HNRNPA0: variants seen among roughly 807,000 people sequenced by gnomAD.
HNRNPA0 encodes hnRNA binding protein.
For synonymous variants in HNRNPA0, 243 were observed against 195.5 expected, an observed-to-expected ratio of 1.24 and a Z score of -2.03; for missense variants, 252 against 433.7, an observed-to-expected ratio of 0.58 and a Z score of 3.72.
Position 137,753,161 on chromosome 5 carries a change from G to A in HNRNPA0, c.906C>T (p.Gly302=), listed in dbSNP as rs893476455. 3.1e-5 allele frequency: 50 copies of A among 1,612,554 alleles called. No homozygotes were observed. The highest frequency in any genetic ancestry group is 3.8e-5 in the Non-Finnish European group (45 of 1,179,278). Residue 302 remains glycine (G), a synonymous_variant, in exon 1 of 1, where the codon GGC becomes GGT. Coordinates refer to ENST00000314940, the MANE Select transcript of HNRNPA0 (RefSeq NM_006805.4). The surrounding 1 kb of genome is among the most constrained non-coding windows in gnomAD (Gnocchi z 6.1). ...TTTAAATTTTCTTTTAGAAGGAGCT[G>A]CCTCCATAGCCACCCCCACCGCCAT... ...GGYGGGGGYG[G]SSF
Position 137,753,565 on chromosome 5 carries a change from C to T in HNRNPA0, c.502G>A (p.Val168Met), listed in dbSNP as rs2149949138. The T allele has an allele frequency of 1.2e-6, 2 of 1,613,568 alleles. No homozygotes were observed. Among genetic ancestry groups the T allele is most frequent in the Non-Finnish European group, 1.7e-6 (2 of 1,179,596 alleles). The change falls in exon 1 of 1, where the codon GTG (valine) becomes ATG (methionine). Residue 168 changes from valine (V) to methionine (M), a missense_variant. Coordinates refer to ENST00000314940, the MANE Select transcript of HNRNPA0 (RefSeq NM_006805.4). The surrounding 1 kb of genome is among the most constrained non-coding windows in gnomAD (Gnocchi z 6.1). Reference protein sequence around the residue: ...VKFHPIQGHRVEVKKAVPKED... With the variant: ...VKFHPIQGHRMEVKKAVPKED... ...TTGGGGACTGCTTTCTTCACCTCCA[C>T]GCGATGGCCCTGAATCGGATGGAAC...
rs1753542092 is a variant in HNRNPA0, at chr5:137,753,346, A to AACCGCC, written c.715_720dup (p.Gly239_Gly240dup). The AACCGCC allele has an allele frequency of 9.0e-6, 14 of 1,549,060 alleles. No individual in the cohort carries two copies. Among genetic ancestry groups the AACCGCC allele is most frequent in the Non-Finnish European group, 1.2e-5 (14 of 1,147,166 alleles). On this transcript the variant is annotated inframe_insertion, in exon 1 of 1. Transcript: ENST00000314940. The surrounding 1 kb of genome is among the most constrained non-coding windows in gnomAD (Gnocchi z 6.1). ...CCGTAGTCGCTCCCACCGTAGGACGAACCGCCGCCGCCGCCTCCGTAGGCA... is the reference window on the plus strand; with the variant it reads ...CCGTAGTCGCTCCCACCGTAGGACGAACCGCCACCGCCGCCGCCGCCTCCGTAGGCA...
At position 137,749,735 on chromosome 5, in the gene HNRNPA0, C is replaced by T. The variant is rs1393640025; in HGVS notation, c.*3414G>A. On this transcript the variant is annotated 3_prime_UTR_variant, in exon 1 of 1. Coordinates refer to ENST00000314940, the MANE Select transcript of HNRNPA0 (RefSeq NM_006805.4). ...AGATGCAGTTCTGCTCCAAATCCAA[C>T]ATCCAAATGCCTATCTGCAATCAGC... The T allele has an allele frequency of 6.6e-6, 1 of 152,170 alleles. No homozygotes were observed. Among genetic ancestry groups the T allele is most frequent in the African/African-American group, 2.4e-5 (1 of 41,442 alleles). The allele number at this position is 152,170 out of a possible 1,614,324, so 9.4% of individuals were successfully genotyped here.
Position 137,751,587 on chromosome 5 carries a change from C to A in HNRNPA0, c.*1562G>T, listed in dbSNP as rs1580801122. 1 of 151,138 alleles carries A rather than the reference C, an allele frequency of 6.6e-6. No individual in the cohort carries two copies. Among genetic ancestry groups the A allele is most frequent in the Non-Finnish European group, 1.5e-5 (1 of 67,740 alleles). 9.4% of individuals were successfully genotyped at this position (151,138 alleles called of 1,614,324 possible). A position where few individuals can be genotyped will look rare whatever the true frequency, so the allele number is the denominator to read the frequency against. ...ACTCAATCATGTAAAGAATTGAATT[C>A]TTTATTTGTGATATCCATAAACGTT... On this transcript the variant is annotated 3_prime_UTR_variant, in exon 1 of 1. Coordinates refer to ENST00000314940, the MANE Select transcript of HNRNPA0 (RefSeq NM_006805.4).
rs866567566 is a variant in HNRNPA0, at chr5:137,754,347, G to T, written c.-281C>A. On this transcript the variant is annotated 5_prime_UTR_variant, in exon 1 of 1. Transcript: ENST00000314940. The stretch of plus-strand genomic sequence containing the variant: ...CGCCGCCACCTCCGCTCCCCTATCT[G>T]GGCACCACACAAAGAGGCCGCTGAA... The T allele has an allele frequency of 6.5e-6, 3 of 463,180 alleles. No individual in the cohort carries two copies. Among genetic ancestry groups the T allele is most frequent in the South Asian group, 3.0e-5 (1 of 32,870 alleles). 28.7% of individuals were successfully genotyped at this position (463,180 alleles called of 1,614,324 possible). A position where few individuals can be genotyped will look rare whatever the true frequency, so the allele number is the denominator to read the frequency against.
Position 137,749,494 on chromosome 5 carries a change from A to T in HNRNPA0, c.*3655T>A, listed in dbSNP as rs1429821811. On this transcript the variant is annotated 3_prime_UTR_variant, in exon 1 of 1. Transcript: ENST00000314940. ...TTTACCTTGTAACATTTAAATTCTC[A>T]TTCAAGGCAAATATGAAGTTCACTC... 6.6e-6 allele frequency: 1 copy of T among 152,236 alleles called. No homozygotes were observed. Among genetic ancestry groups the T allele is most frequent in the Non-Finnish European group, 1.5e-5 (1 of 68,030 alleles). 9.4% of individuals were successfully genotyped at this position (152,236 alleles called of 1,614,324 possible).
In HNRNPA0 at chr5:137,753,110, C is replaced by G. The variant is rs778050352; in HGVS notation, c.*39G>C. 5.7e-6 allele frequency: 9 copies of G among 1,573,518 alleles called. No homozygotes were observed. The highest frequency in any genetic ancestry group is 7.8e-6 in the Non-Finnish European group (9 of 1,157,294). On this transcript the variant is annotated 3_prime_UTR_variant, in exon 1 of 1. Transcript: ENST00000314940. The surrounding 1 kb of genome is among the most constrained non-coding windows in gnomAD (Gnocchi z 6.1). ...ACCCCACTTGGGCTGTTGGAAAGAG[C>G]TACCCCTATAGCCACTCCCAGGCAT... is the stretch of plus-strand genomic sequence containing the variant.
rs1753493687 is a variant in HNRNPA0 at position 137,751,310 on chromosome 5, TC to T, written c.*1838del. 1 of 97,974 alleles carries T rather than the reference TC, an allele frequency of 1.0e-5. No homozygotes were observed. 6.1% of individuals were successfully genotyped at this position (97,974 alleles called of 1,614,324 possible). On this transcript the variant is annotated 3_prime_UTR_variant, in exon 1 of 1. Transcript: ENST00000314940. ...CTTACTTCTTTAAAAGCCCTGCCAA[TC>T]AGGAAAAAAAAAAAAAAAACTGGCA...
In HNRNPA0 at chr5:137,752,349, A is replaced by G. The variant is rs936397308; in HGVS notation, c.*800T>C. The G allele has an allele frequency of 6.6e-6, 1 of 152,236 alleles. No homozygotes were observed. Among genetic ancestry groups the G allele is most frequent in the Non-Finnish European group, 1.5e-5 (1 of 68,034 alleles). 9.4% of individuals were successfully genotyped at this position (152,236 alleles called of 1,614,324 possible). ...CATAGAAATGACCAACCATGTCAAG[A>G]TGATAAACAATTCGCTTAGTACAAG... On this transcript the variant is annotated 3_prime_UTR_variant, in exon 1 of 1. Coordinates refer to ENST00000314940, the MANE Select transcript of HNRNPA0 (RefSeq NM_006805.4).
At position 137,752,739 on chromosome 5, in the gene HNRNPA0, A is replaced by G. The variant is rs1344489758; in HGVS notation, c.*410T>C. On this transcript the variant is annotated 3_prime_UTR_variant, in exon 1 of 1. Coordinates refer to ENST00000314940, the MANE Select transcript of HNRNPA0 (RefSeq NM_006805.4). ...AGAAAACGCTGTAGCCAGGTTATCAAGTCCTTACAACAAAGTAAACTACCC... is the reference window on the plus strand; with the variant it reads ...AGAAAACGCTGTAGCCAGGTTATCAGGTCCTTACAACAAAGTAAACTACCC... The G allele has an allele frequency of 1.1e-5, 2 of 177,926 alleles. No homozygotes were observed. Among genetic ancestry groups the G allele is most frequent in the East Asian group, 3.2e-4 (2 of 6,348 alleles). The allele number at this position is 177,926 out of a possible 1,614,324, so 11.0% of individuals were successfully genotyped here.
At position 137,752,112 on chromosome 5, in the gene HNRNPA0, G is replaced by GA. The variant is rs56007433; in HGVS notation, c.*1036dup. ...CATGAGGCCAACAGTTCGGATATAG[G>GA]AAAAAAAAAAAAAAAACGTTTAAAC... On this transcript the variant is annotated 3_prime_UTR_variant, in exon 1 of 1. Coordinates refer to ENST00000314940, the MANE Select transcript of HNRNPA0 (RefSeq NM_006805.4). The GA allele has an allele frequency of 0.031, 3,003 of 96,556 alleles. 36 individuals are homozygous for GA. The highest frequency in any genetic ancestry group is 0.057 in the African/African-American group (1,499 of 26,362). The allele number at this position is 96,556 out of a possible 1,614,324, so 6.0% of individuals were successfully genotyped here. A position where few individuals can be genotyped will look rare whatever the true frequency, so the allele number is the denominator to read the frequency against.
In HNRNPA0 at chr5:137,753,487, C is replaced by G; in HGVS notation, c.580G>C (p.Gly194Arg). Residue 194 changes from glycine (G) to arginine (R), a missense_variant, in exon 1 of 1, where the codon GGC (glycine) becomes CGC (arginine). Gly to Arg is a moderately radical substitution (Grantham distance 125). Transcript: ENST00000314940. This position sits in a 1 kb window ranked among gnomAD's most constrained non-coding sequence, Gnocchi z 6.1. ...GGGGSRSSRG[G>R]RGGRGRGGGR... ...CCGCCGCGCCCCCGGCCGCCTCGGC[C>G]GCCCCGGGAGGATCGGGAGCCGCCT... 1.3e-6 allele frequency: 2 copies of G among 1,584,336 alleles called. No homozygotes were observed. Among genetic ancestry groups the G allele is most frequent in the Non-Finnish European group, 1.7e-6 (2 of 1,165,016 alleles).
rs1753542941 is a variant in HNRNPA0 at position 137,753,361 on chromosome 5, C to A, written c.706G>T (p.Gly236Cys). 1 of 1,549,752 alleles carries A rather than the reference C, an allele frequency of 6.5e-7. No homozygotes were observed. Among genetic ancestry groups the A allele is most frequent in the East Asian group, 2.4e-5 (1 of 40,920 alleles). Reference protein sequence around the residue: ...GGGGGYNAYGGGGGGSSYGGS... With the variant: ...GGGGGYNAYGCGGGGSSYGGS... The stretch of plus-strand genomic sequence containing the variant: ...CCGTAGGACGAACCGCCGCCGCCGC[C>A]TCCGTAGGCATTGTAGCCGCCGCCT... Residue 236 changes from glycine (G) to cysteine (C), a missense_variant, in exon 1 of 1, where the codon GGC becomes TGC. By Grantham distance (159) the Gly-to-Cys change is radical. Coordinates refer to ENST00000314940, the MANE Select transcript of HNRNPA0 (RefSeq NM_006805.4). This position sits in a 1 kb window ranked among gnomAD's most constrained non-coding sequence, Gnocchi z 6.1.
Position 137,753,157 on chromosome 5 carries a change from A to G in HNRNPA0, c.910T>C (p.Ser304Pro), listed in dbSNP as rs535021229. 1 of 1,612,582 alleles carries G rather than the reference A, an allele frequency of 6.2e-7. No individual in the cohort carries two copies. The highest frequency in any genetic ancestry group is 8.5e-7 in the Non-Finnish European group (1 of 1,179,218). Residue 304 changes from serine to proline, a missense_variant, in exon 1 of 1, where the codon TCC becomes CCC. Physicochemically the swap from Ser to Pro is moderately conservative, Grantham distance 74 (BLOSUM62 -1). Coordinates refer to ENST00000314940, the MANE Select transcript of HNRNPA0 (RefSeq NM_006805.4). This position sits in a 1 kb window ranked among gnomAD's most constrained non-coding sequence, Gnocchi z 6.1. ...YGGGGGYGGS[S>P]F ...GCATTTTAAATTTTCTTTTAGAAGGAGCTGCCTCCATAGCCACCCCCACCG... is the reference window on the plus strand; with the variant it reads ...GCATTTTAAATTTTCTTTTAGAAGGGGCTGCCTCCATAGCCACCCCCACCG...
rs1753422540 is a variant in HNRNPA0 at position 137,747,314 on chromosome 5, C to A, written c.*5835G>T. The stretch of plus-strand genomic sequence containing the variant: ...TTGTCAGCCTCCCAGGAACACAGAA[C>A]AAGAGAGATAAAGATGGAAAATAGA... On this transcript the variant is annotated 3_prime_UTR_variant, in exon 1 of 1. Coordinates refer to ENST00000314940, the MANE Select transcript of HNRNPA0 (RefSeq NM_006805.4). 1 of 152,298 alleles carries A rather than the reference C, an allele frequency of 6.6e-6. No individual in the cohort carries two copies. The highest frequency in any genetic ancestry group is 1.5e-5 in the Non-Finnish European group (1 of 68,016). 9.4% of individuals were successfully genotyped at this position (152,298 alleles called of 1,614,324 possible). A position where few individuals can be genotyped will look rare whatever the true frequency, so the allele number is the denominator to read the frequency against.
chr5:137,754,001 G>A lies in HNRNPA0; in HGVS notation c.66C>T (p.Gly22=), dbSNP rs752269159. Residue 22 remains glycine, a synonymous_variant, in exon 1 of 1, where the codon GGC becomes GGT. Transcript: ENST00000314940. ...CAAAGGCCTCAAAGTGGCCGCGCAGGCCCGACTCACTCGTCTGCACATTGA... is the reference window on the plus strand; with the variant it reads ...CAAAGGCCTCAAAGTGGCCGCGCAGACCCGACTCACTCGTCTGCACATTGA... The part of the protein sequence containing the change: ...GGLNVQTSES[G]LRGHFEAFGT... 6.2e-7 allele frequency: 1 copy of A among 1,613,782 alleles called. No homozygotes were observed. The highest frequency in any genetic ancestry group is 2.2e-5 in the East Asian group (1 of 44,840).
Position 137,753,264 on chromosome 5 carries a change from A to G in HNRNPA0, c.803T>C (p.Met268Thr), listed in dbSNP as rs1024716394. Residue 268 changes from methionine (M) to threonine (T), a missense_variant, in exon 1 of 1, where the codon ATG (methionine) becomes ACG (threonine). Coordinates refer to ENST00000314940, the MANE Select transcript of HNRNPA0 (RefSeq NM_006805.4). This position sits in a 1 kb window ranked among gnomAD's most constrained non-coding sequence, Gnocchi z 6.1. ...YSQHQSSYGP[M>T]KSGGGGGGGG... Reference sequence around the variant, plus strand: ...ACCGCCGCCGCCGCCGCCGCTCTTCATGGGCCCATAGGAGGACTGATGCTG... The same window carrying G: ...ACCGCCGCCGCCGCCGCCGCTCTTCGTGGGCCCATAGGAGGACTGATGCTG... The G allele has an allele frequency of 1.9e-6, 3 of 1,595,142 alleles. No individual in the cohort carries two copies. Among genetic ancestry groups the G allele is most frequent in the Non-Finnish European group, 2.6e-6 (3 of 1,172,002 alleles).
rs1262546030 is a variant in HNRNPA0 at position 137,752,294 on chromosome 5, CTACACAG to C, written c.*848_*854del. ...CATGCTTAACACAAACTATATAGAA[CTACACAG>C]TACACAGTTTGAAGTAAATTGTCAT... is the stretch of plus-strand genomic sequence containing the variant. On this transcript the variant is annotated 3_prime_UTR_variant, in exon 1 of 1. Coordinates refer to ENST00000314940, the MANE Select transcript of HNRNPA0 (RefSeq NM_006805.4). 6.6e-6 allele frequency: 1 copy of C among 152,126 alleles called. No individual in the cohort carries two copies. Among genetic ancestry groups the C allele is most frequent in the Non-Finnish European group, 1.5e-5 (1 of 68,020 alleles). The allele number at this position is 152,126 out of a possible 1,614,324, so 9.4% of individuals were successfully genotyped here. A position where few individuals can be genotyped will look rare whatever the true frequency, so the allele number is the denominator to read the frequency against.
Position 137,746,151 on chromosome 5 carries a change from T to C in HNRNPA0, c.*6998A>G, listed in dbSNP as rs1482152737. ...GCATCTCTCAACATATATATGTAGA[T>C]ACCTATGGTAGAGTTGAAAAGATTG... is the stretch of plus-strand genomic sequence containing the variant. On this transcript the variant is annotated 3_prime_UTR_variant, in exon 1 of 1. Coordinates refer to ENST00000314940, the MANE Select transcript of HNRNPA0 (RefSeq NM_006805.4). 2 of 152,234 alleles carry C rather than the reference T, an allele frequency of 1.3e-5. No individual in the cohort carries two copies. Among genetic ancestry groups the C allele is most frequent in the African/African-American group, 4.8e-5 (2 of 41,464 alleles). The allele number at this position is 152,234 out of a possible 1,614,324, so 9.4% of individuals were successfully genotyped here.
Sources: gnomAD v4.1 joint callset for allele counts on GRCh38, gnomAD v4.1.1 for gene constraint, Gnocchi (gnomAD v3.1) non-coding constraint, MANE v1.5 for transcripts, NCBI Gene and HGNC (gene_info 2026-07-23, HGNC 2026-07-21) for gene names.